The following RGS6 variants were observed in gnomAD, a reference collection of about 807,000 sequenced individuals.
The protein encoded by RGS6 is regulator of G-protein signaling 6.
Under a neutral mutation model 78.5 loss-of-function variants are expected in RGS6, and 30 were observed. The ratio of observed to expected loss-of-function variants is 0.38; its 90% confidence interval spans 0.29 to 0.52. The LOEUF (loss-of-function observed/expected upper bound fraction) is 0.52, where lower values mean the gene tolerates loss of function less well. RGS6 is among the 20% of genes least tolerant of loss of function. The probability of loss-of-function intolerance (pLI) is 0.85; values close to 1 mark genes in which losing one functional copy is unlikely to be tolerated. For synonymous variants in RGS6, 206 were observed against 206.0 expected (o/e 1.00, Z 0.00); for missense variants, 495 against 609.7 (o/e 0.81, Z 1.98).
At chr14:72,528,241 T>G (rs968177807) in intron 15 of RGS6, among the ~76,000 whole-genome samples, 3 of 152,194 alleles carry the variant, frequency 2.0e-5, no homozygotes, top group African/African-American at 7.2e-5. Flanking sequence ...TTTGAGACAG[T>G]TTGTACTGCA....
At chr14:72,371,375 G>A (rs1439928606) in intron 3 of RGS6, among the ~76,000 whole-genome samples, 4 of 152,146 alleles carry the variant, frequency 2.6e-5, no homozygotes, top group Non-Finnish European at 5.9e-5. Context: ...TAAGTGGAAT[G>A]AAGGAAGGAA....
the RGS6 span, among the ~76,000 whole-genome samples, chr14:72,587,656 G>T: frequency 3.3e-5 from 5 of 152,176 alleles, no homozygotes; most frequent in East Asian, 9.6e-4. Flanking sequence ...ACTTAAGCCA[G>T]CAGCAAAGCC....
intron 3 of RGS6, among the ~76,000 whole-genome samples, chr14:72,442,727 A>G (rs2095249805): frequency 6.6e-6 from 1 of 152,192 alleles, no homozygotes; most frequent in Non-Finnish European, 1.5e-5. Flanking sequence ...TTCTACAGAA[A>G]CTGAAGGATG....
At chr14:72,450,300 T>C (rs1400855715) in intron 3 of RGS6, among the ~76,000 whole-genome samples, 1 of 152,202 alleles carries the variant, frequency 6.6e-6, no homozygotes, top group African/African-American at 2.4e-5. Flanking sequence ...CAGTCCTCTA[T>C]TAGAGGCCTT....
intron 2 of RGS6, among the ~76,000 whole-genome samples, chr14:72,329,327 C>T (rs1035305889): frequency 5.9e-5 from 9 of 152,240 alleles, no homozygotes; most frequent in Non-Finnish European, 1.2e-4. Flanking sequence ...TATTGAGGGA[C>T]AATAAACCAG....
chr14:72,337,576 G>A (rs1209285666), intron 2 of RGS6, among the ~76,000 whole-genome samples: 2 of 152,202 alleles, frequency 1.3e-5, no homozygotes, highest in African/African-American at 2.4e-5. Flanking sequence ...TGGCCGGTTC[G>A]ATGAGTGGTA....
rs1169095347 is a variant in RGS6, at chr14:72,495,198, A to G, written c.901A>G (p.Thr301Ala). The G allele has an allele frequency of 1.2e-6, 2 of 1,613,766 alleles. No homozygotes were observed. Among genetic ancestry groups the G allele is most frequent in the Non-Finnish European group, 1.7e-6 (2 of 1,179,722 alleles). ...EQYVEYDPLI[T>A]PAEPSNPWIS... is the part of the protein sequence containing the mutation. The stretch of plus-strand genomic sequence containing the variant: ...ATATGTGGAATATGACCCTTTGATA[A>G]CACCAGCTGAGCCATCCAACCCTTG... Residue 301 changes from threonine (T) to alanine (A), a missense_variant, in exon 13 of 18, where the codon ACA (threonine) becomes GCA (alanine). Physicochemically the swap from Thr to Ala is moderately conservative, Grantham distance 58. Transcript: ENST00000553525.
chr14:71,985,333 A>G (rs1397917409), intron 2 of RGS6, among the ~76,000 whole-genome samples: 1 of 152,218 alleles, frequency 6.6e-6, no homozygotes. Context: ...TATGTTGGCC[A>G]GAATGGTCTC....
rs1248643675 is a variant in RGS6, at chr14:72,478,339, C to T, written c.854+10C>T. 2.6e-6 allele frequency: 4 copies of T among 1,568,358 alleles called. No homozygotes were observed. The highest frequency in any genetic ancestry group is 1.7e-5 in the Admixed American group (1 of 59,722). On this transcript the variant is annotated intron_variant, in intron 12 of 17. Coordinates refer to ENST00000553525, the MANE Select transcript of RGS6 (RefSeq NM_001204424.2). Reference sequence around the variant, plus strand: ...CCAAAGTGGCTGAAAGGTATGTTTTCCTTTAATAATATTACTACTTTCTTC... The same window carrying T: ...CCAAAGTGGCTGAAAGGTATGTTTTTCTTTAATAATATTACTACTTTCTTC...
intron 2 of RGS6, among the ~76,000 whole-genome samples, chr14:72,301,882 T>C (rs1212384599): frequency 2.0e-5 from 3 of 152,132 alleles, no homozygotes; most frequent in Non-Finnish European, 4.4e-5. Context: ...ATTAATTACA[T>C]TTGCAGAAGC....
At chr14:72,529,392 A>G (rs988582603) in intron 15 of RGS6, among the ~76,000 whole-genome samples, 4 of 152,142 alleles carry the variant, frequency 2.6e-5, no homozygotes, top group African/African-American at 9.7e-5. Flanking sequence ...TGGTGTGGTG[A>G]GACCACCTCA....
intron 17 of RGS6, among the ~76,000 whole-genome samples, chr14:72,545,597 G>C (rs2097384134): frequency 6.6e-6 from 1 of 152,174 alleles, no homozygotes; most frequent in Non-Finnish European, 1.5e-5. Flanking sequence ...CCTTAGAATG[G>C]GAGAGGAGCT....
intron 2 of RGS6, among the ~76,000 whole-genome samples, chr14:72,130,930 G>A (rs994830294): frequency 2.0e-5 from 3 of 152,156 alleles, no homozygotes; most frequent in Non-Finnish European, 2.9e-5. Flanking sequence ...TCTTAGAGTT[G>A]GACACTGTTT....
chr14:72,187,911 A>G (rs1479384205), intron 2 of RGS6, among the ~76,000 whole-genome samples: 2 of 152,180 alleles, frequency 1.3e-5, no homozygotes, highest in African/African-American at 4.8e-5. Flanking sequence ...GTTGTTCCCC[A>G]TGCATGTTTC....
chr14:72,387,673 A>AT (rs1171512864), intron 3 of RGS6, among the ~76,000 whole-genome samples: 1 of 152,216 alleles, frequency 6.6e-6, no homozygotes, highest in East Asian at 1.9e-4. Context: ...ATCCCTTTCT[A>AT]TTCTGTCTTC....
At chr14:72,036,686 A>G (rs1014455300) in intron 2 of RGS6, among the ~76,000 whole-genome samples, 1 of 152,080 alleles carries the variant, frequency 6.6e-6, no homozygotes, top group Non-Finnish European at 1.5e-5. Flanking sequence ...TTCTCTCAAT[A>G]TTGAGTTTTG....
chr14:72,505,534 G>C (rs1398874699), intron 13 of RGS6, among the ~76,000 whole-genome samples: 1 of 152,182 alleles, frequency 6.6e-6, no homozygotes, highest in Non-Finnish European at 1.5e-5. Context: ...CAAACATTTA[G>C]TCCTTAACAT....
chr14:72,267,186 A>C (rs1045710887), intron 2 of RGS6, among the ~76,000 whole-genome samples: 1 of 152,138 alleles, frequency 6.6e-6, no homozygotes, highest in Non-Finnish European at 1.5e-5. Flanking sequence ...CCTGACCTCA[A>C]GTGATCCGCC....
chr14:72,047,580 G>A (rs1157447761), intron 2 of RGS6, among the ~76,000 whole-genome samples: 2 of 152,190 alleles, frequency 1.3e-5, no homozygotes, highest in African/African-American at 4.8e-5. Flanking sequence ...TGCGAACACA[G>A]GCTGGACAAA....
Sources: allele counts gnomAD v4.1 joint callset (sites outside exome capture counted in the v4.1 genomes callset), GRCh38; gene constraint gnomAD v4.1.1; transcripts MANE v1.5; gene names NCBI Gene and HGNC (gene_info 2026-07-23, HGNC 2026-07-21).